Variants in ANKRD6 observed in about 807,000 individuals in gnomAD.
The protein encoded by ANKRD6 is ankyrin repeat domain 6, also known as ankyrin repeat domain-containing protein 6.
A neutral mutation model predicts 82.3 loss-of-function variants in ANKRD6; 56 were observed. The ratio of observed to expected loss-of-function variants is 0.68; its 90% CI spans 0.55 to 0.85. The LOEUF (loss-of-function observed/expected upper bound fraction) is 0.85, where lower values mean the gene tolerates loss of function less well. Among genes scored for constraint, ANKRD6 ranks in the 40% least tolerant of loss-of-function variants. The pLI is 0.00. For missense variants in ANKRD6, 852 were observed against 907.6 expected, an observed-to-expected ratio of 0.94 and a Z score of 0.79; for synonymous variants, 347 against 352.1, an observed-to-expected ratio of 0.99 and a Z score of 0.16.
intron 2 of ANKRD6, among the ~76,000 whole-genome samples, chr6:89,572,764 TGAG>T (rs1357257982): frequency 1.3e-5 from 2 of 152,210 alleles, no homozygotes; most frequent in Non-Finnish European, 2.9e-5. Context: ...GACCATTTGT[TGAG>T]GAGACTATCC....
intron 3 of ANKRD6, among the ~76,000 whole-genome samples, 195 bp downstream of exon 3, chr6:89,596,209 A>ATC (rs1281699993): frequency 6.6e-6 from 1 of 152,124 alleles, no homozygotes; most frequent in Non-Finnish European, 1.5e-5. Context: ...GTAGCAAGTT[A>ATC]GAGTTTGGGA....
intron 1 of ANKRD6, among the ~76,000 whole-genome samples, chr6:89,533,294 G>A (rs1391502964): frequency 1.3e-5 from 2 of 152,162 alleles, no homozygotes; most frequent in African/African-American, 4.8e-5. Context: ...ACTGAGGCCC[G>A]GAGAGGTTAG....
At chr6:89,541,594 G>A (rs1322640291) in intron 1 of ANKRD6, among the ~76,000 whole-genome samples, 1 of 151,506 alleles carries the variant, frequency 6.6e-6, no homozygotes, top group Non-Finnish European at 1.5e-5. Context: ...GGATTTCACT[G>A]TGTTGGCCAG....
In ANKRD6 at chr6:89,630,481, G is replaced by A; in HGVS notation, c.1661G>A (p.Ser554Asn). The change falls in exon 16 of 16, where the codon AGC becomes AAC. Residue 554 changes from serine to asparagine, a missense_variant. Physicochemically the swap from Ser to Asn is conservative, Grantham distance 46. Transcript: ENST00000339746. ...GCAGGTCCAGCAGCAGCTTCCGACA[G>A]CTCCCCTCCAGTGGTTAGGCCCAAA... is the stretch of plus-strand genomic sequence containing the variant. ...VTAGPAAASD[S>N]SPPVVRPKEK... is the part of the protein sequence containing the mutation. The A allele has an allele frequency of 6.2e-7, 1 of 1,613,988 alleles. No individual in the cohort carries two copies. The highest frequency in any genetic ancestry group is 8.5e-7 in the Non-Finnish European group (1 of 1,179,878).
At chr6:89,461,389 TAGTG>T (rs1230311956) in intron 1 of ANKRD6, among the ~76,000 whole-genome samples, 4 of 152,240 alleles carry the variant, frequency 2.6e-5, no homozygotes, top group African/African-American at 9.6e-5. Context: ...AGAATAGAAT[TAGTG>T]AGAGATGAGA....
chr6:89,612,165 T>G, intron 5 of ANKRD6, 107 bp from the exon 6 acceptor site: 20 of 954,608 alleles, frequency 2.1e-5, no homozygotes, highest in Non-Finnish European at 2.7e-5. Context: ...GCAGAGAATG[T>G]GAGCGTTGCC....
chr6:89,551,034 T>C (rs1356121028), intron 1 of ANKRD6, among the ~76,000 whole-genome samples: 4 of 152,230 alleles, frequency 2.6e-5, no homozygotes, highest in Non-Finnish European at 5.9e-5. Context: ...TCCCTATCTC[T>C]AGTTCTAAAA....
intron 1 of ANKRD6, among the ~76,000 whole-genome samples, chr6:89,472,532 T>C (rs993673304): frequency 2.6e-5 from 4 of 152,334 alleles, no homozygotes; most frequent in Middle Eastern, 3.4e-3. Flanking sequence ...ATGATTTCTA[T>C]TTCTTGACTC....
At chr6:89,530,662 T>C (rs1783035412) in intron 1 of ANKRD6, among the ~76,000 whole-genome samples, 1 of 152,206 alleles carries the variant, frequency 6.6e-6, no homozygotes, top group African/African-American at 2.4e-5. Flanking sequence ...GTGCTTTATC[T>C]TGGGGCCAGT....
chr6:89,615,032 A>G (rs1801202842), intron 7 of ANKRD6, among the ~76,000 whole-genome samples: 2 of 152,162 alleles, frequency 1.3e-5, no homozygotes, highest in African/African-American at 4.8e-5. Context: ...TGTGAATATT[A>G]CCGTCTTCCT....
intron 1 of ANKRD6, among the ~76,000 whole-genome samples, chr6:89,459,375 G>A (rs532939140): frequency 1.6e-4 from 25 of 152,326 alleles, no homozygotes; most frequent in African/African-American, 5.5e-4. Flanking sequence ...ACCATGCCTG[G>A]CTGAACATAT....
intron 1 of ANKRD6, among the ~76,000 whole-genome samples, chr6:89,500,671 G>A (rs766069103): frequency 6.6e-6 from 1 of 152,134 alleles, no homozygotes; most frequent in Non-Finnish European, 1.5e-5. Flanking sequence ...AATCTCCCAG[G>A]AGATTAAAGG....
intron 1 of ANKRD6, among the ~76,000 whole-genome samples, chr6:89,498,526 A>AT (rs34963087): frequency 0.18 from 24,703 of 134,106 alleles, 2,368 homozygotes; most frequent in Non-Finnish European, 0.24. Flanking sequence ...ATATATATAT[A>AT]TTTTTTTTTA....
intron 2 of ANKRD6, among the ~76,000 whole-genome samples, chr6:89,594,524 A>G (rs1013386512): frequency 6.6e-6 from 1 of 152,212 alleles, no homozygotes; most frequent in Admixed American, 6.5e-5. Flanking sequence ...GACTATAAAC[A>G]TGTAGTAAAA....
At chr6:89,517,178 G>A (rs1379133011) in intron 1 of ANKRD6, among the ~76,000 whole-genome samples, 1 of 152,158 alleles carries the variant, frequency 6.6e-6, no homozygotes, top group Non-Finnish European at 1.5e-5. Context: ...CCAGATTGCT[G>A]TTTTAAGCCA....
rs142692764 is a variant in ANKRD6 at position 89,449,726 on chromosome 6, G to T, written c.-144+16351G>T. On this transcript the variant is annotated intron_variant, in intron 1 of 15. Transcript: ENST00000339746. The stretch of plus-strand genomic sequence containing the variant: ...GCACCTTATGTGAACCTCTCATTCT[G>T]CCAATAAAAGCTTCCCTTTACCCTC... 7.9e-3 allele frequency among the ~76,000 whole-genome samples: 1,206 copies of T among 152,154 alleles called. 19 individuals carry two copies. Among genetic ancestry groups the T allele is most frequent in the African/African-American group, 0.027 (1,127 of 41,496 alleles).
At chr6:89,486,760 G>A (rs1019586184) in intron 1 of ANKRD6, among the ~76,000 whole-genome samples, 1 of 152,074 alleles carries the variant, frequency 6.6e-6, no homozygotes, top group African/African-American at 2.4e-5. Flanking sequence ...AGCCACCCTG[G>A]TTCAGTTCTG....
At chr6:89,513,908 A>AC (rs1432465443) in intron 1 of ANKRD6, among the ~76,000 whole-genome samples, 1 of 152,230 alleles carries the variant, frequency 6.6e-6, no homozygotes, top group Non-Finnish European at 1.5e-5. Flanking sequence ...TTAATGTATA[A>AC]TGTGGGAAAA....
chr6:89,479,552 C>T (rs1040032258), intron 1 of ANKRD6, among the ~76,000 whole-genome samples: 9 of 151,132 alleles, frequency 6.0e-5, no homozygotes, highest in African/African-American at 1.7e-4. Flanking sequence ...ACATTTTTTG[C>T]ATAAAGCCTT....
Sources: gnomAD v4.1 joint callset for allele counts (sites outside exome capture counted in the v4.1 genomes callset) on GRCh38, gnomAD v4.1.1 for gene constraint, MANE v1.5 for transcripts, NCBI Gene and HGNC (gene_info 2026-07-23, HGNC 2026-07-21) for gene names.